Variants in FBXW4 observed in about 807,000 individuals in gnomAD.
FBXW4 encodes the protein F-box/WD repeat-containing protein 4.
FBXW4 carries 40 observed loss-of-function variants against 61.8 expected under a neutral mutation model. The observed-to-expected ratio is 0.65, with a 90% CI of 0.50 to 0.84. The LOEUF (loss-of-function observed/expected upper bound fraction) is 0.84. Ranked by LOEUF, FBXW4 falls within the 40% of genes least tolerant of loss-of-function variation. The probability of loss-of-function intolerance (pLI) is 0.00; values close to 1 mark genes in which losing one functional copy is unlikely to be tolerated. For synonymous variants in FBXW4, 311 were observed against 313.8 expected, an observed-to-expected ratio of 0.99 and a Z score of 0.10; for missense variants, 672 against 753.8, an observed-to-expected ratio of 0.89 and a Z score of 1.27.
intron 5 of FBXW4, among the ~76,000 whole-genome samples, chr10:101,640,484 C>CT (rs386372272): frequency 0.085 from 7,142 of 83,756 alleles, 988 homozygotes; most frequent in African/African-American, 0.21. Flanking sequence ...CTTTCTTTCT[C>CT]TTTTTTTTTT....
chr10:101,674,024 G>A (rs2064384621), intron 2 of FBXW4, among the ~76,000 whole-genome samples: 1 of 152,166 alleles, frequency 6.6e-6, no homozygotes, highest in Admixed American at 6.5e-5. Context: ...GTCAAGGGGT[G>A]AGAAGGGTCA....
intron 5 of FBXW4, among the ~76,000 whole-genome samples, chr10:101,654,540 A>C (rs1270667422): frequency 1.3e-5 from 2 of 152,176 alleles, no homozygotes; most frequent in Non-Finnish European, 2.9e-5. Flanking sequence ...CTTTTTTCTA[A>C]TTATAAAATA....
rs756145527 is a variant in FBXW4 at position 101,611,124 on chromosome 10, A to G, written c.*167T>C. The G allele has an allele frequency of 7.1e-6, 6 of 845,222 alleles. No individual in the cohort carries two copies. Among genetic ancestry groups the G allele is most frequent in the Non-Finnish European group, 1.1e-5 (6 of 557,542 alleles). The allele number at this position is 845,222 out of a possible 1,614,324, so 52.4% of individuals were successfully genotyped here. ...AGGGACTGCATCTCTGGTAAGCTCC[A>G]AAGTCCCAGGAGTCAGAAGCCTCTA... On this transcript the variant is annotated 3_prime_UTR_variant, in exon 9 of 9. Transcript: ENST00000331272. The surrounding 1 kb of genome is among the most constrained non-coding windows in gnomAD (Gnocchi z 4.9).
At position 101,659,455 on chromosome 10, in the gene FBXW4, T is replaced by C. The variant is rs1002394260; in HGVS notation, c.1235+8431A>G. ...AAAGAGAGAAAGGTCCCAATGCTCC[T>C]CTCTTCACTGTCCAGAGAAGAAAGC... On this transcript the variant is annotated intron_variant, in intron 5 of 8. Transcript: ENST00000331272. 61 of 984,974 alleles carry C rather than the reference T, an allele frequency of 6.2e-5. No homozygotes were observed. In the African/African-American group the frequency reaches 1.0e-3, roughly 17 times the overall value. 61.0% of individuals were successfully genotyped at this position (984,974 alleles called of 1,614,324 possible).
intron 4 of FBXW4, 39 bp from the exon 5 acceptor site, chr10:101,668,019 T>C: frequency 6.6e-7 from 1 of 1,516,342 alleles, no homozygotes; most frequent in Non-Finnish European, 9.2e-7. Context: ...TGGCATTGCC[T>C]GGGATCAGTG....
chr10:101,676,998 AG>A (rs1160685219), intron 1 of FBXW4, among the ~76,000 whole-genome samples: 6 of 152,224 alleles, frequency 3.9e-5, no homozygotes, highest in African/African-American at 1.4e-4. Context: ...AAAGATTCAC[AG>A]AATGTATATC....
At chr10:101,691,774 T>C (rs1008677278) in intron 1 of FBXW4, among the ~76,000 whole-genome samples, 1 of 151,954 alleles carries the variant, frequency 6.6e-6, no homozygotes, top group East Asian at 1.9e-4. Context: ...TTTGAAAGAG[T>C]TATTCTCATG....
At chr10:101,632,297 G>T (rs988871544) in intron 5 of FBXW4, among the ~76,000 whole-genome samples, 1 of 152,150 alleles carries the variant, frequency 6.6e-6, no homozygotes, top group African/African-American at 2.4e-5. Flanking sequence ...TCAGGCTCTG[G>T]ATAGTGTCCA....
intron 1 of FBXW4, among the ~76,000 whole-genome samples, chr10:101,692,272 C>T (rs1227878948): frequency 6.6e-6 from 1 of 150,958 alleles, no homozygotes; most frequent in Non-Finnish European, 1.5e-5. Context: ...ATCCAATATA[C>T]ACACATATAT....
chr10:101,695,175 C>A (rs1488863456), upstream of FBXW4: 8 of 985,364 alleles, frequency 8.1e-6, no homozygotes, highest in Non-Finnish European at 9.6e-6. This position sits in a 1 kb window ranked among gnomAD's most constrained non-coding sequence, Gnocchi z 4.2. Context: ...CGGGAGGAGG[C>A]GACACCATGT....
chr10:101,634,791 GA>G (rs1169889275), intron 5 of FBXW4, among the ~76,000 whole-genome samples: 1 of 148,834 alleles, frequency 6.7e-6, no homozygotes, highest in Non-Finnish European at 1.5e-5. Context: ...AAAGGTCTAA[GA>G]AAAAAATATA....
At chr10:101,671,217 G>A (rs2064355765) in intron 4 of FBXW4, among the ~76,000 whole-genome samples, 1 of 152,208 alleles carries the variant, frequency 6.6e-6, no homozygotes, top group African/African-American at 2.4e-5. Flanking sequence ...AACCCAGGCA[G>A]CATCCGGAAA....
chr10:101,611,377 G>C lies in FBXW4; in HGVS notation c.1618C>G (p.Pro540Ala). The C allele has an allele frequency of 1.2e-6, 2 of 1,614,064 alleles. No individual in the cohort carries two copies. The highest frequency in any genetic ancestry group is 2.2e-5 in the South Asian group (2 of 91,068). ...GTGGTGAGACGCAGGCAGTACACAG[G>C]GCTGCTGAGGGGAGTCGACGTCAGC... The part of the protein sequence containing the change: ...FPLTSTPLSS[P>A]VYCLRLTTKH... Residue 540 changes from proline to alanine, a missense_variant, in exon 9 of 9, where the codon CCT becomes GCT. Around this residue, in one of 5 missense-constraint regions of FBXW4, gnomAD observed 312 missense variants for 370.1 expected, o/e 0.84. Coordinates refer to ENST00000331272, the MANE Select transcript of FBXW4 (RefSeq NM_022039.4). The surrounding 1 kb of genome is among the most constrained non-coding windows in gnomAD (Gnocchi z 4.9).
chr10:101,667,355 C>G (rs1388273424), intron 5 of FBXW4, among the ~76,000 whole-genome samples: 1 of 152,144 alleles, frequency 6.6e-6, no homozygotes, highest in Non-Finnish European at 1.5e-5. Flanking sequence ...CACACTTTTG[C>G]TACAATAATC....
At chr10:101,641,006 T>C (rs1420682749) in intron 5 of FBXW4, among the ~76,000 whole-genome samples, 1 of 151,898 alleles carries the variant, frequency 6.6e-6, no homozygotes, top group Non-Finnish European at 1.5e-5. Flanking sequence ...AATTTTTGTA[T>C]TTTTAGTAGA....
intron 5 of FBXW4, among the ~76,000 whole-genome samples, chr10:101,631,579 A>G (rs2063956466): frequency 6.6e-6 from 1 of 151,836 alleles, no homozygotes; most frequent in Admixed American, 6.6e-5. Context: ...TTTTCCAAAT[A>G]TTATTTAATG....
Position 101,615,197 on chromosome 10 carries a change from G to T in FBXW4, c.1302-2720C>A, listed in dbSNP as rs553141385. Among the ~76,000 whole-genome samples, 47 of 152,282 alleles carry T rather than the reference G, an allele frequency of 3.1e-4. 1 individual carries two copies. The South Asian group carries it at 9.5e-3, about 31-fold the overall frequency. On this transcript the variant is annotated intron_variant, in intron 6 of 8. Transcript: ENST00000331272. ...TCTCACTGTGGGGGGCGAGAGGGGG[G>T]TGCAGAGCCTTGGCTGTTGCACAGC... is the stretch of plus-strand genomic sequence containing the variant.
At chr10:101,659,524 T>G (rs962409676) in intron 5 of FBXW4, 69 of 628,032 alleles carry the variant, frequency 1.1e-4, no homozygotes, top group Non-Finnish European at 1.3e-4. Context: ...TCAGAGGTTA[T>G]GAAGCAATGA....
intron 6 of FBXW4, among the ~76,000 whole-genome samples, chr10:101,620,841 G>T (rs958193478): frequency 2.6e-5 from 4 of 151,988 alleles, no homozygotes; most frequent in African/African-American, 9.7e-5. Flanking sequence ...CCCAGTGTTT[G>T]GGGTTAATGA....
Sources: allele counts gnomAD v4.1 joint callset (sites outside exome capture counted in the v4.1 genomes callset), GRCh38; gene constraint gnomAD v4.1.1; regional missense constraint gnomAD v4.1.1; non-coding constraint Gnocchi (gnomAD v3.1); transcripts MANE v1.5; gene names NCBI Gene and HGNC (gene_info 2026-07-23, HGNC 2026-07-21).